Variants in CMIP observed in about 807,000 individuals in gnomAD.
CMIP encodes the protein c-Maf inducing protein, also known as C-Maf-inducing protein.
In CMIP, 13 loss-of-function variants were observed where a neutral mutation model predicts 97.3. The observed-to-expected ratio is 0.13, with a 90% CI of 0.09 to 0.21. The LOEUF (loss-of-function observed/expected upper bound fraction) is 0.21, where lower values mean the gene tolerates loss of function less well. Among genes scored for constraint, CMIP ranks in the 10% least tolerant of loss-of-function variants. The pLI is 1.00. For synonymous variants in CMIP, 538 were observed against 436.3 expected (o/e 1.23, Z -2.91); for missense variants, 847 against 1,024.9 (o/e 0.83, Z 2.37).
chr16:81,620,337 C>T (rs1312075724), intron 2 of CMIP: 2 of 153,038 alleles, frequency 1.3e-5, no homozygotes, highest in African/African-American at 2.4e-5. Context: ...AGCCAGGCTA[C>T]CCTGGGTCTG....
At position 81,652,436 on chromosome 16, in the gene CMIP, C is replaced by T. The variant is rs988451903; in HGVS notation, c.639+72C>T. 6 of 1,346,246 alleles carry T rather than the reference C, an allele frequency of 4.5e-6. No homozygotes were observed. The Admixed American group carries it at 5.8e-5, about 13-fold the overall frequency. The allele number at this position is 1,346,246 out of a possible 1,614,324, so 83.4% of individuals were successfully genotyped here. A position where few individuals can be genotyped will look rare whatever the true frequency, so the allele number is the denominator to read the frequency against. ...CACCGATCACCGGCTCCATGCCAAG[C>T]AGCAGGCGCAGGCAGAGCTCCGTGT... On this transcript the variant is annotated intron_variant, in intron 4 of 20. Transcript: ENST00000537098. The surrounding 1 kb of genome is among the most constrained non-coding windows in gnomAD (Gnocchi z 5.2).
chr16:81,596,998 C>G (rs910956793), intron 1 of CMIP, among the ~76,000 whole-genome samples: 1 of 152,212 alleles, frequency 6.6e-6, no homozygotes, highest in Admixed American at 6.5e-5. Context: ...ACCATACATT[C>G]TCATCATTTA....
At chr16:81,676,507 GCAAA>G (rs1904313308) in intron 9 of CMIP, among the ~76,000 whole-genome samples, 1 of 151,998 alleles carries the variant, frequency 6.6e-6, no homozygotes. Context: ...CCCAGCAACG[GCAAA>G]CAAAGAGAAA....
chr16:81,632,676 C>A (rs1372195219), intron 3 of CMIP, among the ~76,000 whole-genome samples: 1 of 152,226 alleles, frequency 6.6e-6, no homozygotes, highest in Admixed American at 6.5e-5. Context: ...AGCCCCCCAA[C>A]ACGGAAGCCT....
At chr16:81,502,818 A>T (rs965422678) in intron 1 of CMIP, among the ~76,000 whole-genome samples, 1 of 152,238 alleles carries the variant, frequency 6.6e-6, no homozygotes, top group East Asian at 1.9e-4. Context: ...CCTTCTGGCT[A>T]TGTGACCAGT....
At chr16:81,531,371 C>G (rs1025687902) in intron 1 of CMIP, among the ~76,000 whole-genome samples, 8 of 152,246 alleles carry the variant, frequency 5.3e-5, no homozygotes, top group African/African-American at 1.7e-4. Flanking sequence ...GACATCTTGA[C>G]TTAGGACTCT....
At chr16:81,626,744 G>C (rs888999901) in intron 3 of CMIP, among the ~76,000 whole-genome samples, 1 of 138,222 alleles carries the variant, frequency 7.2e-6, no homozygotes, top group Non-Finnish European at 1.6e-5. Flanking sequence ...TATGACAGTG[G>C]GTGTGGGTGT....
chr16:81,503,726 A>G (rs2089654229), intron 1 of CMIP, among the ~76,000 whole-genome samples: 1 of 152,142 alleles, frequency 6.6e-6, no homozygotes, highest in Non-Finnish European at 1.5e-5. Context: ...CAGTCTGGTC[A>G]CCTTATCTCA....
intron 1 of CMIP, chr16:81,520,141 C>G (rs1476822040): frequency 6.6e-6 from 1 of 152,176 alleles, no homozygotes; most frequent in African/African-American, 2.4e-5. Flanking sequence ...TTTCAGCTGC[C>G]CAGGTAGTCA....
intron 3 of CMIP, among the ~76,000 whole-genome samples, chr16:81,637,682 C>T (rs1192957980): frequency 6.6e-6 from 1 of 152,136 alleles, no homozygotes; most frequent in Non-Finnish European, 1.5e-5. Flanking sequence ...TCTGAGCTCC[C>T]AGGAGTGTGC....
chr16:81,572,989 A>AT (rs1436950099), intron 1 of CMIP, among the ~76,000 whole-genome samples: 6 of 152,238 alleles, frequency 3.9e-5, no homozygotes, highest in Admixed American at 3.9e-4. Flanking sequence ...GTAGATAACC[A>AT]ATAATAAAAT....
intron 3 of CMIP, among the ~76,000 whole-genome samples, chr16:81,648,908 C>T (rs545302067): frequency 6.6e-6 from 1 of 151,660 alleles, no homozygotes; most frequent in South Asian, 2.1e-4. Context: ...CTGCACTGTC[C>T]CCTAGAGCCC....
chr16:81,649,591 C>A (rs9927244), intron 3 of CMIP, among the ~76,000 whole-genome samples: 8,727 of 152,286 alleles, frequency 0.057, 833 homozygotes, highest in African/African-American at 0.2. Context: ...ATTTTTGAGG[C>A]CTTTTAAAAC....
At chr16:81,536,884 G>C (rs2090352650) in intron 1 of CMIP, among the ~76,000 whole-genome samples, 1 of 152,082 alleles carries the variant, frequency 6.6e-6, no homozygotes, top group South Asian at 2.1e-4. Flanking sequence ...CAAATCAAGA[G>C]ACAACATACT....
intron 1 of CMIP, among the ~76,000 whole-genome samples, chr16:81,565,909 G>T (rs1041882971): frequency 6.6e-6 from 1 of 152,178 alleles, no homozygotes; most frequent in African/African-American, 2.4e-5. Context: ...CAGATGTCAC[G>T]GGGGGACATG....
At chr16:81,677,730 C>T (rs969647866) in intron 9 of CMIP, among the ~76,000 whole-genome samples, 16 of 152,160 alleles carry the variant, frequency 1.1e-4, no homozygotes, top group Non-Finnish European at 4.4e-5. Context: ...GAGGGTTACC[C>T]AGGAGGAGTG....
At chr16:81,678,656 C>G (rs369696602) in intron 10 of CMIP, 28 bp downstream of exon 10, 10 of 1,134,214 alleles carry the variant, frequency 8.8e-6, no homozygotes, top group East Asian at 7.3e-5. Context: ...GTGCCCGCCC[C>G]CGGGGCCGGT....
chr16:81,462,515 AT>A (rs544509691), intron 1 of CMIP, among the ~76,000 whole-genome samples: 338 of 151,268 alleles, frequency 2.2e-3, no homozygotes, highest in African/African-American at 7.0e-3. Flanking sequence ...AAAAAAAAAA[AT>A]GTTTCATTAA....
At chr16:81,527,110 G>A (rs879450302) in intron 1 of CMIP, among the ~76,000 whole-genome samples, 1 of 152,212 alleles carries the variant, frequency 6.6e-6, no homozygotes, top group Non-Finnish European at 1.5e-5. Flanking sequence ...TGTTTTCTTG[G>A]TTTTTGTCTG....
Sources: gnomAD v4.1 joint callset for allele counts (sites outside exome capture counted in the v4.1 genomes callset) on GRCh38, gnomAD v4.1.1 for gene constraint, Gnocchi (gnomAD v3.1) non-coding constraint, MANE v1.5 for transcripts, NCBI Gene and HGNC (gene_info 2026-07-23, HGNC 2026-07-21) for gene names.